Variants in NLRP14 observed in about 807,000 individuals in gnomAD.
NLRP14 encodes NACHT, LRR and PYD domains-containing protein 14.
In NLRP14, 105 loss-of-function variants were observed where a neutral mutation model predicts 94.7. The ratio of observed to expected loss-of-function variants is 1.11; its 90% CI spans 0.95 to 1.30. The LOEUF (loss-of-function observed/expected upper bound fraction) is 1.30. NLRP14 is among the 50% of genes most tolerant of loss of function. The pLI, the probability that NLRP14 is intolerant of heterozygous loss-of-function variation, is 0.00. For synonymous variants in NLRP14, 508 were observed against 459.9 expected (o/e 1.10, Z -1.34); for missense variants, 1,362 against 1,254.1 (o/e 1.09, Z -1.30).
chr11:7,031,809 A>G (rs1052317010), intron 1 of NLRP14, among the ~76,000 whole-genome samples: 2 of 152,196 alleles, frequency 1.3e-5, no homozygotes, highest in African/African-American at 4.8e-5. Context: ...TTGCAGGTGC[A>G]ACAGCTGCTC....
At chr11:7,047,607 A>C (rs185522249) in intron 5 of NLRP14, among the ~76,000 whole-genome samples, 1 of 150,616 alleles carries the variant, frequency 6.6e-6, no homozygotes, top group African/African-American at 2.4e-5. Flanking sequence ...TGTCCAGCCT[A>C]TCCCTTTCTG....
downstream of NLRP14, among the ~76,000 whole-genome samples, chr11:7,074,246 A>G (rs1464601813): frequency 6.6e-6 from 1 of 152,206 alleles, no homozygotes; most frequent in East Asian, 1.9e-4. Flanking sequence ...TTTGCAAGTA[A>G]TGTTACTGGT....
intron 10 of NLRP14, among the ~76,000 whole-genome samples, chr11:7,068,312 C>T (rs1333007940): frequency 6.6e-6 from 1 of 152,108 alleles, no homozygotes; most frequent in African/African-American, 2.4e-5. Flanking sequence ...CTTAGACATA[C>T]ATATTCCCTT....
chr11:7,072,619 C>G (rs11041160), downstream of NLRP14, among the ~76,000 whole-genome samples: 7,183 of 152,160 alleles, frequency 0.047, 324 homozygotes, highest in African/African-American at 0.11. Context: ...CCTGTCACCA[C>G]TTGTGAGAGG....
chr11:7,030,547 G>A (rs1193719580), intron 1 of NLRP14, among the ~76,000 whole-genome samples: 3 of 148,276 alleles, frequency 2.0e-5, no homozygotes, highest in African/African-American at 7.5e-5. Flanking sequence ...TGTATTCCTT[G>A]CCCCACTCTG....
chr11:7,070,839 C>G (rs1360803866), intron 11 of NLRP14, among the ~76,000 whole-genome samples: 2 of 152,142 alleles, frequency 1.3e-5, no homozygotes, highest in South Asian at 2.1e-4. Flanking sequence ...TGGTGCCTTG[C>G]ATGATAATAA....
chr11:7,022,234 G>A (rs1851956871), intron 1 of NLRP14, among the ~76,000 whole-genome samples: 2 of 152,132 alleles, frequency 1.3e-5, no homozygotes, highest in Admixed American at 6.5e-5. Flanking sequence ...GACCCTCCCT[G>A]GCTTGAATGT....
chr11:7,071,933 T>G (rs1852806586), downstream of NLRP14, among the ~76,000 whole-genome samples: 1 of 152,182 alleles, frequency 6.6e-6, no homozygotes. Context: ...TTTCTATAGC[T>G]TATTGTAAAG....
intron 1 of NLRP14, among the ~76,000 whole-genome samples, chr11:7,022,919 T>C (rs1851966617): frequency 6.6e-6 from 1 of 152,186 alleles, no homozygotes; most frequent in African/African-American, 2.4e-5. Flanking sequence ...ACTTCTACAG[T>C]GTTTCGTATA....
chr11:7,073,519 A>G (rs191523535), downstream of NLRP14, among the ~76,000 whole-genome samples: 2 of 152,260 alleles, frequency 1.3e-5, no homozygotes, highest in Admixed American at 6.5e-5. Context: ...TGTATCCCAC[A>G]GGTGAGGATC....
chr11:7,073,876 A>T (rs1390161553), downstream of NLRP14, among the ~76,000 whole-genome samples: 1 of 152,142 alleles, frequency 6.6e-6, no homozygotes, highest in African/African-American at 2.4e-5. Context: ...TTTTTGTGGA[A>T]GCTTCATTAG....
chr11:7,022,531 A>C (rs1045243923), intron 1 of NLRP14, among the ~76,000 whole-genome samples: 3 of 152,218 alleles, frequency 2.0e-5, no homozygotes, highest in African/African-American at 7.2e-5. Flanking sequence ...TTTAGGGGCC[A>C]AGATCCTGAT....
the NLRP14 span, among the ~76,000 whole-genome samples, chr11:7,076,824 G>A: frequency 6.6e-6 from 1 of 152,154 alleles, no homozygotes; most frequent in Non-Finnish European, 1.5e-5. Context: ...CTACAGCACA[G>A]TGTCTTCTTG....
In NLRP14 at chr11:7,043,102, A is replaced by T; in HGVS notation, c.1076A>T (p.Asn359Ile). 6.2e-7 allele frequency: 1 copy of T among 1,614,190 alleles called. No homozygotes were observed. The highest frequency in any genetic ancestry group is 8.5e-7 in the Non-Finnish European group (1 of 1,180,030). ...AAAGTATTCAGTTCACTAAAAAGCA[A>T]TGAGATGCTGTTTAGCATGTGCCAA... Reference protein sequence around the residue: ...AMKVFSSLKSNEMLFSMCQVP... With the variant: ...AMKVFSSLKSIEMLFSMCQVP... The change falls in exon 4 of 12, where the codon AAT becomes ATT. Residue 359 changes from asparagine (N) to isoleucine (I), a missense_variant. Physicochemically the swap from Asn to Ile is moderately radical, Grantham distance 149. Transcript: ENST00000299481.
intron 1 of NLRP14, among the ~76,000 whole-genome samples, chr11:7,032,665 TAA>T (rs544720957): frequency 3.3e-4 from 50 of 152,352 alleles, no homozygotes; most frequent in Non-Finnish European, 6.0e-4. Flanking sequence ...GCTATCTGCC[TAA>T]GTTTGAAAAT....
rs1312899696 is a variant in NLRP14 at position 7,062,468 on chromosome 11, T to C, written c.2940T>C (p.Ala980=). 6.2e-7 allele frequency: 1 copy of C among 1,613,176 alleles called. No individual in the cohort carries two copies. Among genetic ancestry groups the C allele is most frequent in the Admixed American group, 1.7e-5 (1 of 59,926 alleles). Residue 980 remains alanine (A), a synonymous_variant, in exon 10 of 12, where the codon GCT becomes GCC. Transcript: ENST00000299481. Reference sequence around the variant, plus strand: ...ATGGAGTGAAAATTCTGTGTGATGCTTTGAGATATCCAAACTGTAACATTC... The same window carrying C: ...ATGGAGTGAAAATTCTGTGTGATGCCTTGAGATATCCAAACTGTAACATTC... ...QDDGVKILCD[A]LRYPNCNIQR... is the part of the protein sequence containing the mutation.
intron 1 of NLRP14, among the ~76,000 whole-genome samples, chr11:7,034,850 G>T (rs1212792944): frequency 1.3e-5 from 2 of 152,112 alleles, no homozygotes; most frequent in Admixed American, 6.5e-5. Context: ...TTGTCAAAAT[G>T]GTTTACAAGT....
At chr11:7,034,781 G>A (rs1217315563) in intron 1 of NLRP14, among the ~76,000 whole-genome samples, 1 of 152,116 alleles carries the variant, frequency 6.6e-6, no homozygotes, top group East Asian at 1.9e-4. Context: ...CTGGTTTGAA[G>A]TATTAATGAT....
the NLRP14 span, among the ~76,000 whole-genome samples, chr11:7,087,438 A>T: frequency 6.6e-6 from 1 of 152,284 alleles, no homozygotes; most frequent in Non-Finnish European, 1.5e-5. Flanking sequence ...TCCTGCTGCA[A>T]ACCTCAGTGT....
Sources: gnomAD v4.1 joint callset for allele counts (sites outside exome capture counted in the v4.1 genomes callset) on GRCh38, gnomAD v4.1.1 for gene constraint, MANE v1.5 for transcripts, NCBI Gene and HGNC (gene_info 2026-07-23, HGNC 2026-07-21) for gene names.